The following BEND2 variants were observed in gnomAD, a reference collection of about 807,000 sequenced individuals.
BEND2 encodes BEN domain-containing protein 2.
In BEND2, 19 loss-of-function variants were observed where a neutral mutation model predicts 43.8. That is an observed-to-expected ratio of 0.43 (90% CI 0.30 to 0.64). The LOEUF (loss-of-function observed/expected upper bound fraction) is 0.64, where lower values mean the gene tolerates loss of function less well. Among genes scored for constraint, BEND2 ranks in the 30% least tolerant of loss-of-function variants. BEND2 has a pLI of 0.11. For synonymous variants in BEND2, 226 were observed against 210.1 expected (o/e 1.08, Z -0.66); for missense variants, 544 against 574.0 (o/e 0.95, Z 0.53).
At chrX:18,214,858 A>C (rs1314564239) in intron 2 of BEND2, among the ~76,000 whole-genome samples, 3 of 108,808 alleles carry the variant, frequency 2.8e-5, no homozygotes, top group African/African-American at 1.0e-4. Flanking sequence ...AATTCACCTA[A>C]AAAATTCAGC....
At position 18,220,817 on chromosome X, in the gene BEND2, C is replaced by T. The variant is rs1925850950; in HGVS notation, c.-67G>A. On this transcript the variant is annotated 5_prime_UTR_variant, in exon 1 of 14. Coordinates refer to ENST00000380033, the MANE Select transcript of BEND2 (RefSeq NM_153346.5). The stretch of plus-strand genomic sequence containing the variant: ...GCCCGAGACCTGAGGCCTACGTCTG[C>T]GCCGCGGCTCTGAGGTAACTGCTTG... The T allele has an allele frequency of 7.3e-6, 8 of 1,103,184 alleles. No individual in the cohort carries two copies. Among genetic ancestry groups the T allele is most frequent in the South Asian group, 4.0e-5 (2 of 50,111 alleles). 90.9% of individuals were successfully genotyped at this position (1,103,184 alleles called of 1,213,427 possible).
intron 10 of BEND2, among the ~76,000 whole-genome samples, chrX:18,176,337 C>A (rs113387585): frequency 1.0e-3 from 92 of 88,902 alleles, no homozygotes; most frequent in African/African-American, 3.9e-3. Flanking sequence ...AAAACACTGA[C>A]GTAGGAAGCT....
chrX:18,175,973 G>A lies in BEND2; in HGVS notation c.1751C>T (p.Pro584Leu). Residue 584 changes from proline to leucine, a missense_variant and splice_region_variant, in exon 11 of 14, where the codon CCA becomes CTA. Transcript: ENST00000380033. Reference sequence around the variant, plus strand: ...ATATTTAGATGAAAAATAACTTACTGGAGTACTCTTGCCTTCAGAACATAA... The same window carrying A: ...ATATTTAGATGAAAAATAACTTACTAGAGTACTCTTGCCTTCAGAACATAA... ...YCLCSEGKSTPKTVRKNKKRT... is the reference protein window; with the variant it reads ...YCLCSEGKSTLKTVRKNKKRT... The A allele has an allele frequency of 8.4e-7, 1 of 1,185,035 alleles. No individual in the cohort carries two copies. Among genetic ancestry groups the A allele is most frequent in the Non-Finnish European group, 1.1e-6 (1 of 881,289 alleles).
Position 18,212,689 on chromosome X carries a change from C to T in BEND2, c.377-9G>A, listed in dbSNP as rs764153625. The T allele has an allele frequency of 8.0e-6, 9 of 1,122,595 alleles. No homozygotes were observed. The highest frequency in any genetic ancestry group is 7.5e-5 in the South Asian group (4 of 53,640). 92.5% of individuals were successfully genotyped at this position (1,122,595 alleles called of 1,213,427 possible). On this transcript the variant is annotated splice_polypyrimidine_tract_variant and intron_variant, in intron 3 of 13. Coordinates refer to ENST00000380033, the MANE Select transcript of BEND2 (RefSeq NM_153346.5). Reference sequence around the variant, plus strand: ...TTGGTCACCATGGGCTACTGTGAAGCAATGCATTAAAAAGTTATTTCATAC... The same window carrying T: ...TTGGTCACCATGGGCTACTGTGAAGTAATGCATTAAAAAGTTATTTCATAC...
chrX:18,165,088 G>C lies in BEND2; in HGVS notation c.2321C>G (p.Ser774Trp). 1 of 1,210,291 alleles carries C rather than the reference G, an allele frequency of 8.3e-7. No homozygotes were observed. Among genetic ancestry groups the C allele is most frequent in the Admixed American group, 2.2e-5 (1 of 46,002 alleles). ...CTCTGGAGGGGTCACTGCTGGAAGC[G>C]ACTGAGACCTGGCTTCAGCCCTTCT... ...DVRRAEARSQ[S>W]LPAVTPPELE... Residue 774 changes from serine to tryptophan, a missense_variant, in exon 14 of 14, where the codon TCG (serine) becomes TGG (tryptophan). Physicochemically the swap from Ser to Trp is radical, Grantham distance 177. Transcript: ENST00000380033.
At chrX:18,165,445 A>C (rs1402165809) in intron 13 of BEND2, among the ~76,000 whole-genome samples, 1 of 112,104 alleles carries the variant, frequency 8.9e-6, no homozygotes, top group African/African-American at 3.2e-5. Context: ...ATAAAGCAAC[A>C]ATCTCCCATG....
At chrX:18,195,905 G>A (rs1249025846) in intron 6 of BEND2, among the ~76,000 whole-genome samples, 2 of 96,422 alleles carry the variant, frequency 2.1e-5, no homozygotes, top group African/African-American at 7.7e-5. Context: ...ACAGAGGAAG[G>A]GAGGGAGGGA....
At chrX:18,179,188 T>C (rs1355299091) in intron 9 of BEND2, among the ~76,000 whole-genome samples, 2 of 96,663 alleles carry the variant, frequency 2.1e-5, no homozygotes, top group Admixed American at 1.1e-4. Context: ...TGTTTTTTTT[T>C]TTTTTTTTTT....
At chrX:18,174,433 G>C (rs1924079474) in intron 11 of BEND2, among the ~76,000 whole-genome samples, 175 bp from the exon 12 acceptor site, 2 of 112,050 alleles carry the variant, frequency 1.8e-5, no homozygotes, top group African/African-American at 3.2e-5. Context: ...GAAGGAAAGG[G>C]GTGGCTTCTT....
chrX:18,167,332 AC>A (rs1019539275), intron 13 of BEND2, among the ~76,000 whole-genome samples: 4 of 111,339 alleles, frequency 3.6e-5, no homozygotes, highest in African/African-American at 1.3e-4. Context: ...TTCATGAAAC[AC>A]CTATTAACAT....
chrX:18,177,792 G>T (rs1426437754), intron 9 of BEND2, 23 bp from the exon 10 acceptor site: 1 of 1,165,111 alleles, frequency 8.6e-7, no homozygotes, highest in Admixed American at 2.2e-5. Flanking sequence ...AGAGAAAAAG[G>T]AACATCCTTG....
At chrX:18,207,864 C>A (rs1434161586) in intron 4 of BEND2, among the ~76,000 whole-genome samples, 2 of 110,973 alleles carry the variant, frequency 1.8e-5, no homozygotes, top group Non-Finnish European at 1.9e-5. Flanking sequence ...ACTAAAAATA[C>A]AAAAAGTAGC....
intron 13 of BEND2, among the ~76,000 whole-genome samples, chrX:18,170,774 T>G (rs1923947464): frequency 8.9e-6 from 1 of 112,122 alleles, no homozygotes; most frequent in South Asian, 3.7e-4. Flanking sequence ...ACCCCTTTCC[T>G]GTTCTAGTAA....
chrX:18,170,853 C>T (rs1253631405), intron 13 of BEND2, 148 bp downstream of exon 13: 50 of 1,014,130 alleles, frequency 4.9e-5, no homozygotes, highest in Non-Finnish European at 5.1e-5. Context: ...CATGATCTTG[C>T]TCCTTGCTGT....
At chrX:18,202,420 G>A (rs1339055332) in intron 5 of BEND2, among the ~76,000 whole-genome samples, 2 of 111,909 alleles carry the variant, frequency 1.8e-5, no homozygotes, top group Non-Finnish European at 3.8e-5. Context: ...TAAGAAATGG[G>A]ACCTTTAAGA....
At chrX:18,170,023 C>T (rs1442129642) in intron 13 of BEND2, among the ~76,000 whole-genome samples, 1 of 111,433 alleles carries the variant, frequency 9.0e-6, no homozygotes, top group Non-Finnish European at 1.9e-5. Flanking sequence ...TTCAGAATTG[C>T]CTACAAACTT....
chrX:18,186,508 A>G (rs932699883), intron 8 of BEND2, among the ~76,000 whole-genome samples: 3 of 110,751 alleles, frequency 2.7e-5, no homozygotes, highest in Non-Finnish European at 3.8e-5. Context: ...AAAGAGAAAC[A>G]AAAAGTTAAA....
chrX:18,199,335 G>C (rs185086408), intron 6 of BEND2, among the ~76,000 whole-genome samples: 1 of 111,637 alleles, frequency 9.0e-6, no homozygotes, highest in Admixed American at 9.6e-5. Context: ...TGAGAGGCAA[G>C]GGAGATTGGG....
intron 11 of BEND2, 80 bp downstream of exon 11, chrX:18,175,892 G>A: frequency 1.1e-6 from 1 of 926,532 alleles, no homozygotes; most frequent in Non-Finnish European, 1.4e-6. Context: ...AAGAGACTGT[G>A]CCTCATGCTA....
Sources: allele counts gnomAD v4.1 joint callset (sites outside exome capture counted in the v4.1 genomes callset), GRCh38; gene constraint gnomAD v4.1.1; transcripts MANE v1.5; gene names NCBI Gene and HGNC (gene_info 2026-07-23, HGNC 2026-07-21).